The following ODAD2 variants were observed in gnomAD, a reference collection of about 807,000 sequenced individuals.
ODAD2 encodes outer dynein arm-docking complex subunit 2.
ODAD2 carries 89 observed loss-of-function variants against 106.8 expected under a neutral mutation model. The ratio of observed to expected loss-of-function variants is 0.83; its 90% CI spans 0.70 to 0.99. The LOEUF (loss-of-function observed/expected upper bound fraction) is 0.99. Ranked by LOEUF, ODAD2 falls within the 50% of genes least tolerant of loss-of-function variation. The probability of loss-of-function intolerance (pLI) is 0.00; values close to 1 mark genes in which losing one functional copy is unlikely to be tolerated. For missense variants in ODAD2, 1,168 were observed against 1,238.5 expected (o/e 0.94, Z 0.85); for synonymous variants, 404 against 436.2 (o/e 0.93, Z 0.92).
At position 27,860,663 on chromosome 10, in the gene ODAD2, C is replaced by T. The variant is rs149981194; in HGVS notation, c.2983G>A (p.Asp995Asn). ...TTCTCATGCATGGTGATGCAGTTAT[C>T]GGCGTCTTCTGAGAGTTGGTACAAG... ...QALYQLSEDADNCITMHENGA... is the reference protein window; with the variant it reads ...QALYQLSEDANNCITMHENGA... Residue 995 changes from aspartate to asparagine, a missense_variant, in exon 19 of 20, where the codon GAT (aspartate) becomes AAT (asparagine). By Grantham distance (23) the Asp-to-Asn change is conservative (BLOSUM62 1). This residue lies in a region of ODAD2 where 701 missense variants were observed against 712.3 expected (regional missense o/e 0.98). Transcript: ENST00000305242. The T allele has an allele frequency of 2.2e-4, 348 of 1,614,074 alleles. No homozygotes were observed. The African/African-American group carries it at 2.7e-3, about 13-fold the overall frequency.
chr10:27,876,526 T>C (rs1674386011), intron 17 of ODAD2, among the ~76,000 whole-genome samples: 2 of 152,230 alleles, frequency 1.3e-5, no homozygotes, highest in Admixed American at 6.5e-5. Context: ...TTATTTTCTT[T>C]ACTGGGATTC....
intron 19 of ODAD2, among the ~76,000 whole-genome samples, chr10:27,822,556 C>G (rs1032952126): frequency 1.3e-5 from 2 of 152,168 alleles, no homozygotes; most frequent in Non-Finnish European, 2.9e-5. Flanking sequence ...GAATGGCTTC[C>G]CAACTATTTG....
At chr10:27,830,366 A>G (rs1306936161) in intron 19 of ODAD2, among the ~76,000 whole-genome samples, 2 of 152,202 alleles carry the variant, frequency 1.3e-5, no homozygotes, top group Admixed American at 1.3e-4. Context: ...TAGTCCCTGA[A>G]GCTCTCATTC....
At chr10:27,987,818 A>T (rs1849971566) in intron 2 of ODAD2, among the ~76,000 whole-genome samples, 1 of 151,834 alleles carries the variant, frequency 6.6e-6, no homozygotes, top group Non-Finnish European at 1.5e-5. Flanking sequence ...ATTGAACTCA[A>T]ATAGTCACAG....
chr10:27,876,929 T>C (rs1293996498), intron 17 of ODAD2, among the ~76,000 whole-genome samples: 1 of 152,200 alleles, frequency 6.6e-6, no homozygotes, highest in African/African-American at 2.4e-5. Flanking sequence ...GTAATAATTT[T>C]CTTACAGATA....
intron 2 of ODAD2, among the ~76,000 whole-genome samples, chr10:27,994,109 G>GT (rs1044251350): frequency 1.8e-4 from 27 of 152,010 alleles, no homozygotes; most frequent in African/African-American, 6.3e-4. Context: ...GCGTATGTGT[G>GT]TGTATATATA....
At chr10:27,967,553 C>T (rs1342894365) in intron 9 of ODAD2, among the ~76,000 whole-genome samples, 9 of 151,796 alleles carry the variant, frequency 5.9e-5, no homozygotes, top group South Asian at 2.1e-4. Flanking sequence ...AGAAGCAACA[C>T]ATACCTCATC....
intron 17 of ODAD2, among the ~76,000 whole-genome samples, chr10:27,900,068 T>C (rs1244962182): frequency 6.6e-6 from 1 of 152,144 alleles, no homozygotes. Context: ...AGGAGAGCTC[T>C]GGCTGGCATT....
At chr10:27,981,881 C>T (rs761700557) in intron 6 of ODAD2, 3 of 183,296 alleles carry the variant, frequency 1.6e-5, no homozygotes, top group African/African-American at 2.4e-5. Flanking sequence ...TGAGAGCTTC[C>T]TTCTCTCCGC....
chr10:27,970,009 A>T (rs1588633620), intron 8 of ODAD2, among the ~76,000 whole-genome samples: 1 of 151,968 alleles, frequency 6.6e-6, no homozygotes. Context: ...GGGAGGCTGA[A>T]GCAAGAGAAT....
chr10:27,828,342 G>A lies in ODAD2; in HGVS notation c.3022-15717C>T, dbSNP rs117131389. Among the ~76,000 whole-genome samples the A allele has an allele frequency of 5.6e-4, 85 of 152,200 alleles. 3 individuals carry two copies. The East Asian group carries it at 0.016, about 29-fold the overall frequency. On this transcript the variant is annotated intron_variant, in intron 19 of 19. Transcript: ENST00000305242. ...GAGCAAGTAGGGAAAGGAAGATTAA[G>A]GCTAAATATGCAGAAGTGAGAGGGA...
Position 27,919,740 on chromosome 10 carries a change from A to G in ODAD2, c.2496-11963T>C, listed in dbSNP as rs189739219. The stretch of plus-strand genomic sequence containing the variant: ...GGAAGTTTCTAGTAAAGTTAAACAC[A>G]TACTCTGTGATGACTCAGAAATTCC... On this transcript the variant is annotated intron_variant, in intron 16 of 19. Coordinates refer to ENST00000305242, the MANE Select transcript of ODAD2 (RefSeq NM_018076.5). Among the ~76,000 whole-genome samples, 135 of 152,254 alleles carry G rather than the reference A, an allele frequency of 8.9e-4. 1 individual carries two copies. The highest frequency in any genetic ancestry group is 2.6e-3 in the African/African-American group (108 of 41,568).
intron 17 of ODAD2, among the ~76,000 whole-genome samples, chr10:27,872,134 C>A (rs1840947204): frequency 6.6e-6 from 1 of 151,960 alleles, no homozygotes; most frequent in Non-Finnish European, 1.5e-5. Flanking sequence ...AATGGGAGTT[C>A]ACTCATGATT....
chr10:27,874,975 A>T (rs1212136998), intron 17 of ODAD2, among the ~76,000 whole-genome samples: 2 of 152,126 alleles, frequency 1.3e-5, no homozygotes, highest in Non-Finnish European at 2.9e-5. Flanking sequence ...CATTCTCCCC[A>T]TCACTTCCAG....
intron 16 of ODAD2, among the ~76,000 whole-genome samples, chr10:27,930,405 T>C (rs1453372875): frequency 1.3e-5 from 2 of 151,838 alleles, no homozygotes; most frequent in Non-Finnish European, 1.5e-5. Flanking sequence ...TCCTAGCTAC[T>C]TGGGAGGATG....
At chr10:27,934,802 A>G (rs1049176989) in intron 16 of ODAD2, among the ~76,000 whole-genome samples, 2 of 152,170 alleles carry the variant, frequency 1.3e-5, no homozygotes, top group African/African-American at 4.8e-5. Context: ...AAATCCTCCC[A>G]ATATGACCAA....
chr10:27,933,775 G>A (rs1845767386), intron 16 of ODAD2, among the ~76,000 whole-genome samples: 1 of 152,208 alleles, frequency 6.6e-6, no homozygotes, highest in African/African-American at 2.4e-5. Context: ...GGTTTTACAA[G>A]TCCAGCCAGT....
At chr10:27,921,618 G>A (rs1395019277) in intron 16 of ODAD2, among the ~76,000 whole-genome samples, 1 of 150,264 alleles carries the variant, frequency 6.7e-6, no homozygotes, top group Non-Finnish European at 1.5e-5. Context: ...TTAAAAAAAG[G>A]AGGAATAAAT....
chr10:27,978,958 C>T (rs1331977334), intron 7 of ODAD2, among the ~76,000 whole-genome samples: 2 of 151,818 alleles, frequency 1.3e-5, no homozygotes, highest in African/African-American at 4.8e-5. Context: ...AGCTGTAATC[C>T]CAGCACTTTG....
Sources: allele counts gnomAD v4.1 joint callset (sites outside exome capture counted in the v4.1 genomes callset), GRCh38; gene constraint gnomAD v4.1.1; regional missense constraint gnomAD v4.1.1; transcripts MANE v1.5; gene names NCBI Gene and HGNC (gene_info 2026-07-23, HGNC 2026-07-21).